LCORL: variants seen among roughly 807,000 people sequenced by gnomAD.
LCORL encodes the protein ligand-dependent nuclear receptor corepressor-like protein.
Under a neutral mutation model 141.8 loss-of-function variants are expected in LCORL, and 41 were observed. The ratio of observed to expected loss-of-function variants is 0.29; its 90% CI spans 0.23 to 0.38. The LOEUF is 0.38. LCORL is among the 10% of genes least tolerant of loss of function. LCORL has a pLI of 1.00. For synonymous variants in LCORL, 618 were observed against 694.1 expected, an observed-to-expected ratio of 0.89 and a Z score of 1.72; for missense variants, 1,759 against 2,035.0, an observed-to-expected ratio of 0.86 and a Z score of 2.61.
intron 6 of LCORL, chr4:17,882,135 T>C (rs1180800249): frequency 2.0e-6 from 2 of 983,952 alleles, no homozygotes; most frequent in Non-Finnish European, 2.4e-6. Flanking sequence ...TAAAATTTAA[T>C]AGCTGAAAAT....
intron 4 of LCORL, among the ~76,000 whole-genome samples, chr4:17,925,108 A>G (rs1734912262): frequency 6.6e-6 from 1 of 152,146 alleles, no homozygotes; most frequent in African/African-American, 2.4e-5. Flanking sequence ...CAGGAGACAC[A>G]ATTATTCCAT....
exon 8 of LCORL, chr4:17,842,351 T>C (rs766309403): frequency 6.2e-7 from 1 of 1,612,190 alleles, no homozygotes; most frequent in Non-Finnish European, 8.5e-7. Context: ...GAACAGGAGG[T>C]GTCAGACTGC....
intron 6 of LCORL, chr4:17,880,828 C>A (rs1156792470): frequency 2.3e-6 from 2 of 871,608 alleles, no homozygotes; most frequent in Non-Finnish European, 2.8e-6. Context: ...TACATGAATT[C>A]ATTAGAAAAT....
chr4:17,946,432 T>C (rs1010204677), intron 4 of LCORL, among the ~76,000 whole-genome samples: 2 of 152,038 alleles, frequency 1.3e-5, no homozygotes, highest in African/African-American at 4.8e-5. Flanking sequence ...ATACCTAAAA[T>C]ATATAATTTA....
At chr4:17,848,678 G>A (rs537876007) in intron 7 of LCORL, among the ~76,000 whole-genome samples, 25 of 152,344 alleles carry the variant, frequency 1.6e-4, no homozygotes, top group East Asian at 7.7e-4. Flanking sequence ...GACAGTGGGC[G>A]CAGGACAGCG....
chr4:17,872,957 T>C (rs1419249098), intron 7 of LCORL, among the ~76,000 whole-genome samples: 3 of 152,086 alleles, frequency 2.0e-5, no homozygotes, highest in Admixed American at 6.6e-5. Context: ...TTTAAAAACA[T>C]GGTCTCATAG....
chr4:17,863,930 A>C (rs1407674746), intron 7 of LCORL, among the ~76,000 whole-genome samples: 1 of 152,190 alleles, frequency 6.6e-6, no homozygotes. Context: ...TCTCACTTGT[A>C]AGTGGAAGTT....
At chr4:17,843,306 C>A in exon 8 of LCORL, 1 of 1,611,018 alleles carries the variant, frequency 6.2e-7, no homozygotes, top group South Asian at 1.1e-5. Context: ...ATTTAGTGAT[C>A]ATGAAGTTCC....
intron 5 of LCORL, among the ~76,000 whole-genome samples, chr4:17,889,151 C>A (rs1210315016): frequency 6.6e-6 from 1 of 152,068 alleles, no homozygotes; most frequent in Admixed American, 6.6e-5. Context: ...GGACTACTCA[C>A]ACACGAAGCA....
At chr4:17,955,846 G>A (rs561579147) in intron 4 of LCORL, among the ~76,000 whole-genome samples, 53 of 152,236 alleles carry the variant, frequency 3.5e-4, no homozygotes, top group African/African-American at 1.1e-3. Context: ...TGGTTATCAA[G>A]CACAGTATCT....
intron 4 of LCORL, among the ~76,000 whole-genome samples, chr4:17,920,339 A>T (rs1577421613): frequency 6.6e-6 from 1 of 152,212 alleles, no homozygotes; most frequent in Non-Finnish European, 1.5e-5. Context: ...AGACATTGAC[A>T]GAGTTTTTCC....
intron 1 of LCORL, among the ~76,000 whole-genome samples, chr4:18,002,713 T>C (rs1722166926): frequency 6.6e-6 from 1 of 152,196 alleles, no homozygotes; most frequent in Non-Finnish European, 1.5e-5. Context: ...CACAAAAACA[T>C]TGAGATTCAT....
At chr4:17,931,638 T>A (rs1031410470) in intron 4 of LCORL, among the ~76,000 whole-genome samples, 1 of 152,150 alleles carries the variant, frequency 6.6e-6, no homozygotes, top group Admixed American at 6.5e-5. Flanking sequence ...TTGTTATTGA[T>A]GTCCATCTTT....
At chr4:17,905,199 A>T (rs975956802) in intron 5 of LCORL, among the ~76,000 whole-genome samples, 1 of 152,026 alleles carries the variant, frequency 6.6e-6, no homozygotes, top group Non-Finnish European at 1.5e-5. Context: ...TTTTTGTGTT[A>T]TCTTTTATTT....
At chr4:17,990,368 G>A (rs928782943) in intron 1 of LCORL, among the ~76,000 whole-genome samples, 9 of 146,760 alleles carry the variant, frequency 6.1e-5, no homozygotes, top group African/African-American at 2.4e-4. Flanking sequence ...CAAAGTGCTC[G>A]GATTACAGGC....
chr4:17,841,930 C>G (rs1487143161), exon 8 of LCORL: 1 of 161,692 alleles, frequency 6.2e-6, no homozygotes, highest in Non-Finnish European at 1.4e-5. Flanking sequence ...CCTAACCTAC[C>G]TTTCTAACCC....
intron 5 of LCORL, among the ~76,000 whole-genome samples, chr4:17,905,703 T>C (rs536043406): frequency 4.2e-4 from 64 of 152,256 alleles, no homozygotes; most frequent in Middle Eastern, 3.4e-3. Context: ...CATTTATGGA[T>C]AGATTATCTA....
At chr4:17,890,058 T>G (rs1327525213) in intron 5 of LCORL, among the ~76,000 whole-genome samples, 1 of 152,094 alleles carries the variant, frequency 6.6e-6, no homozygotes, top group Admixed American at 6.6e-5. Context: ...CTTATTACAC[T>G]GTAATTTATT....
chr4:17,982,099 C>CGTGT (rs57094203), intron 1 of LCORL, among the ~76,000 whole-genome samples: 11,433 of 136,416 alleles, frequency 0.084, 461 homozygotes, highest in African/African-American at 0.1. Flanking sequence ...AGTATTCCAT[C>CGTGT]GTGTGTGTGT....
Sources: gnomAD v4.1 joint callset for allele counts (sites outside exome capture counted in the v4.1 genomes callset) on GRCh38, gnomAD v4.1.1 for gene constraint, MANE v1.5 for transcripts, NCBI Gene and HGNC (gene_info 2026-07-23, HGNC 2026-07-21) for gene names.